SLC25A3: variants seen among roughly 807,000 people sequenced by gnomAD.
SLC25A3 encodes the protein phosphate transport protein.
SLC25A3 carries 14 observed loss-of-function variants against 37.1 expected under a neutral mutation model. That is an observed-to-expected ratio of 0.38 (90% CI 0.25 to 0.59). The LOEUF (loss-of-function observed/expected upper bound fraction) is 0.59, where lower values mean the gene tolerates loss of function less well. Among genes scored for constraint, SLC25A3 ranks in the 20% least tolerant of loss-of-function variants. SLC25A3 has a pLI of 0.67. For missense variants in SLC25A3, 385 were observed against 458.1 expected (o/e 0.84, Z 1.46); for synonymous variants, 161 against 168.7 (o/e 0.95, Z 0.36).
At chr12:98,598,406 T>C in intron 4 of SLC25A3, 116 bp from the exon 5 acceptor site, 2 of 1,511,102 alleles carry the variant, frequency 1.3e-6, no homozygotes, top group Non-Finnish European at 1.8e-6. Flanking sequence ...ATATTCCATA[T>C]CATCGTGTGT....
intron 2 of SLC25A3, chr12:98,595,213 A>G: frequency 1.8e-6 from 1 of 562,330 alleles, no homozygotes; most frequent in Non-Finnish European, 3.2e-6. Context: ...AAAAATTAAT[A>G]TGGCAGAATA....
chr12:98,601,238 A>G lies in SLC25A3; in HGVS notation c.882A>G (p.Lys294=). The change falls in exon 7 of 8, where the codon AAA becomes AAG. Residue 294 remains lysine (K), a synonymous_variant. Transcript: ENST00000552981. The part of the protein sequence containing the change: ...DSVVSVLNKE[K]GSSASLVLKR... ...TGGTATCTGTGTTGAATAAAGAAAA[A>G]GGTAGCAGTGCTTCTCTGGTCCTCA... The G allele has an allele frequency of 1.2e-6, 2 of 1,613,960 alleles. No homozygotes were observed. Among genetic ancestry groups the G allele is most frequent in the Non-Finnish European group, 1.7e-6 (2 of 1,179,866 alleles).
chr12:98,596,894 C>G (rs1055060047), intron 3 of SLC25A3, among the ~76,000 whole-genome samples: 1 of 152,054 alleles, frequency 6.6e-6, no homozygotes, highest in Non-Finnish European at 1.5e-5. Flanking sequence ...GGTGGCGTGC[C>G]TGTAGTCGCA....
chr12:98,599,348 T>G (rs551230122), intron 5 of SLC25A3, among the ~76,000 whole-genome samples: 68 of 152,344 alleles, frequency 4.5e-4, no homozygotes, highest in African/African-American at 1.6e-3. Context: ...ACACCGCGTC[T>G]GGCTGTGAAC....
Position 98,605,621 on chromosome 12 carries a change from C to G in SLC25A3, c.*4093C>G, listed in dbSNP as rs1814384632. 6.6e-6 allele frequency: 1 copy of G among 151,852 alleles called. No individual in the cohort carries two copies. The highest frequency in any genetic ancestry group is 2.4e-5 in the African/African-American group (1 of 41,328). The allele number at this position is 151,852 out of a possible 1,614,324, so 9.4% of individuals were successfully genotyped here. On this transcript the variant is annotated 3_prime_UTR_variant, in exon 8 of 8. Coordinates refer to ENST00000552981, the MANE Select transcript of SLC25A3 (RefSeq NM_002635.4). ...TTGCTTGAGGTCAGGAGTTCAAGAACAGCCTGGCCAACATGATGAAACCCC... is the reference window on the plus strand; with the variant it reads ...TTGCTTGAGGTCAGGAGTTCAAGAAGAGCCTGGCCAACATGATGAAACCCC...
At chr12:98,597,605 G>A (rs1447535698) in intron 3 of SLC25A3, 1 of 432,284 alleles carries the variant, frequency 2.3e-6, no homozygotes, top group Non-Finnish European at 4.2e-6. Flanking sequence ...TTGTATTTTA[G>A]TAGAGATGGG....
In SLC25A3 at chr12:98,598,010, T is replaced by C. The variant is rs1375870878; in HGVS notation, c.434T>C (p.Val145Ala). ...CKFGFYEVFK[V>A]LYSNMLGEEN... ...TTTGGCTTTTATGAAGTCTTTAAAG[T>C]CTTGTATAGCAATATGCTTGGAGAG... Residue 145 changes from valine to alanine, a missense_variant, in exon 4 of 8, where the codon GTC becomes GCC. Coordinates refer to ENST00000552981, the MANE Select transcript of SLC25A3 (RefSeq NM_002635.4). The C allele has an allele frequency of 6.2e-7, 1 of 1,613,542 alleles. No individual in the cohort carries two copies. The highest frequency in any genetic ancestry group is 8.5e-7 in the Non-Finnish European group (1 of 1,179,470).
At chr12:98,594,573 G>A (rs2097591388) in intron 2 of SLC25A3, 1 of 579,318 alleles carries the variant, frequency 1.7e-6, no homozygotes, top group Non-Finnish European at 3.1e-6. Flanking sequence ...GTCGACGCCA[G>A]GTCAGTCATT....
chr12:98,594,257 G>A (rs1313429588), intron 2 of SLC25A3, 122 bp downstream of exon 2: 1 of 844,008 alleles, frequency 1.2e-6, no homozygotes, highest in South Asian at 1.4e-5. Context: ...CCGTAGGACG[G>A]CGCCCAGTTG....
chr12:98,595,514 A>C, intron 2 of SLC25A3: 1 of 1,614,028 alleles, frequency 6.2e-7, no homozygotes, highest in Non-Finnish European at 8.5e-7. Context: ...GGCACAACAC[A>C]TACAGCATTG....
rs2097596538 is a variant in SLC25A3 at position 98,600,117 on chromosome 12, A to G, written c.804A>G (p.Ala268=). ...AGCAGCTGGTTGTAACATTTGTAGC[A>G]GGTTACATAGGTACGAATTACTTAG... is the stretch of plus-strand genomic sequence containing the variant. The part of the protein sequence containing the change: ...KPEQLVVTFV[A]GYIAGVFCAI... Residue 268 remains alanine, a synonymous_variant, in exon 6 of 8, where the codon GCA becomes GCG. Transcript: ENST00000552981. The G allele has an allele frequency of 1.3e-6, 2 of 1,597,390 alleles. No individual in the cohort carries two copies. Among genetic ancestry groups the G allele is most frequent in the Non-Finnish European group, 1.7e-6 (2 of 1,164,634 alleles).
In SLC25A3 at chr12:98,605,056, C is replaced by T. The variant is rs938001792; in HGVS notation, c.*3528C>T. On this transcript the variant is annotated 3_prime_UTR_variant, in exon 8 of 8. Coordinates refer to ENST00000552981, the MANE Select transcript of SLC25A3 (RefSeq NM_002635.4). ...GGGATTAGAGGGCTGAGCCACCACA[C>T]TTGGCCAACCATATTTTATTTTTTA... is the stretch of plus-strand genomic sequence containing the variant. The T allele has an allele frequency of 3.9e-5, 6 of 152,256 alleles. No individual in the cohort carries two copies. The highest frequency in any genetic ancestry group is 8.8e-5 in the Non-Finnish European group (6 of 68,060). The allele number at this position is 152,256 out of a possible 1,614,324, so 9.4% of individuals were successfully genotyped here. A position where few individuals can be genotyped will look rare whatever the true frequency, so the allele number is the denominator to read the frequency against.
At chr12:98,595,521 A>C in intron 2 of SLC25A3, 1 of 1,614,178 alleles carries the variant, frequency 6.2e-7, no homozygotes. Context: ...CACATACAGC[A>C]TTGGTTCCTC....
chr12:98,598,629 T>G lies in SLC25A3; in HGVS notation c.567T>G (p.Ile189Met), dbSNP rs1477309625. The change falls in exon 5 of 8, where the codon ATT (isoleucine) becomes ATG (methionine). Residue 189 changes from isoleucine to methionine, a missense_variant. By Grantham distance (10) the Ile-to-Met change is conservative (BLOSUM62 1). Coordinates refer to ENST00000552981, the MANE Select transcript of SLC25A3 (RefSeq NM_002635.4). Reference protein sequence around the residue: ...LAPMEAAKVRIQTQPGYANTL... With the variant: ...LAPMEAAKVRMQTQPGYANTL... ...CTATGGAAGCTGCTAAGGTTCGAATTCAAACCCAGCCAGGTTATGCCAACA... is the reference window on the plus strand; with the variant it reads ...CTATGGAAGCTGCTAAGGTTCGAATGCAAACCCAGCCAGGTTATGCCAACA... 6.2e-7 allele frequency: 1 copy of G among 1,614,046 alleles called. No homozygotes were observed. The highest frequency in any genetic ancestry group is 8.5e-7 in the Non-Finnish European group (1 of 1,180,028).
At position 98,601,702 on chromosome 12, in the gene SLC25A3, T is replaced by C. The variant is rs2097598072; in HGVS notation, c.*174T>C. The C allele has an allele frequency of 4.8e-6, 3 of 619,724 alleles. No homozygotes were observed. Among genetic ancestry groups the C allele is most frequent in the Non-Finnish European group, 8.6e-6 (3 of 348,920 alleles). The allele number at this position is 619,724 out of a possible 1,614,324, so 38.4% of individuals were successfully genotyped here. On this transcript the variant is annotated 3_prime_UTR_variant, in exon 8 of 8. Coordinates refer to ENST00000552981, the MANE Select transcript of SLC25A3 (RefSeq NM_002635.4). ...TTTACTGTTGAAATAAACCCAACTC[T>C]TCATGATTTGCCTGTGACTTATTTT...
chr12:98,593,948 T>G, intron 1 of SLC25A3, 27 bp from the exon 2 acceptor site: 1 of 1,613,686 alleles, frequency 6.2e-7, no homozygotes, highest in Non-Finnish European at 8.5e-7. Context: ...TTGCCTGTCC[T>G]CTAACCGTCG....
intron 6 of SLC25A3, among the ~76,000 whole-genome samples, chr12:98,600,835 G>A (rs1364520787): frequency 6.6e-6 from 1 of 152,120 alleles, no homozygotes; most frequent in East Asian, 1.9e-4. Context: ...TGCTTTTTAG[G>A]ATTCATAAAT....
intron 5 of SLC25A3, chr12:98,599,548 T>A: frequency 2.3e-6 from 1 of 443,936 alleles, no homozygotes; most frequent in South Asian, 1.8e-5. Context: ...TGACTTGATG[T>A]TTGGCCTAAA....
At chr12:98,593,884 G>A in intron 1 of SLC25A3, 91 bp from the exon 2 acceptor site, 1 of 1,452,686 alleles carries the variant, frequency 6.9e-7, no homozygotes. Flanking sequence ...GTGGAGACGG[G>A]AAGGAAAAGG....
Sources: gnomAD v4.1 joint callset for allele counts (sites outside exome capture counted in the v4.1 genomes callset) on GRCh38, gnomAD v4.1.1 for gene constraint, MANE v1.5 for transcripts, NCBI Gene and HGNC (gene_info 2026-07-23, HGNC 2026-07-21) for gene names.